The following NUSAP1 variants were observed in gnomAD, a reference collection of about 807,000 sequenced individuals.
NUSAP1 encodes nucleolar and spindle-associated protein 1.
In NUSAP1, 32 loss-of-function variants were observed where a neutral mutation model predicts 52.8. The observed-to-expected ratio is 0.61, with a 90% CI of 0.46 to 0.81. The LOEUF (loss-of-function observed/expected upper bound fraction) is 0.81, where lower values mean the gene tolerates loss of function less well. NUSAP1 is among the 40% of genes least tolerant of loss of function. The probability of loss-of-function intolerance (pLI) is 0.00; values close to 1 mark genes in which losing one functional copy is unlikely to be tolerated. For missense variants in NUSAP1, 499 were observed against 522.3 expected, an observed-to-expected ratio of 0.96 and a Z score of 0.43; for synonymous variants, 195 against 183.1, an observed-to-expected ratio of 1.06 and a Z score of -0.52.
intron 6 of NUSAP1, 89 bp from the exon 7 acceptor site, chr15:41,365,313 C>A (rs935942024): frequency 3.6e-6 from 4 of 1,101,570 alleles, no homozygotes; most frequent in Admixed American, 5.3e-5. Flanking sequence ...CATGCCACAA[C>A]GCCCGGCTAA....
At chr15:41,351,238 G>A in intron 4 of NUSAP1, 109 bp downstream of exon 4, 1 of 1,129,040 alleles carries the variant, frequency 8.9e-7, no homozygotes, top group Middle Eastern at 2.0e-4. Flanking sequence ...CCACAACTGG[G>A]CAGCTTAGAA....
rs375535674 is a variant in NUSAP1 at position 41,357,595 on chromosome 15, C to T, written c.551-554C>T. ...AGTAGCTGGGATTACAGGCGTGCGC[C>T]ACCACACCTGGCTAATTTTTGTATT... is the stretch of plus-strand genomic sequence containing the variant. On this transcript the variant is annotated intron_variant, in intron 5 of 10. Coordinates refer to ENST00000559596, the MANE Select transcript of NUSAP1 (RefSeq NM_016359.5). Among the ~76,000 whole-genome samples the T allele has an allele frequency of 9.9e-5, 15 of 151,932 alleles. No individual in the cohort carries two copies. The South Asian group carries it at 1.7e-3, about 17-fold the overall frequency.
intron 10 of NUSAP1, among the ~76,000 whole-genome samples, chr15:41,378,947 T>TTG (rs1566813582): frequency 5.2e-5 from 5 of 95,528 alleles, no homozygotes; most frequent in African/African-American, 2.2e-4. Context: ...TATCTTGGTT[T>TTG]TTTTTTTTTT....
intron 5 of NUSAP1, 28 bp from the exon 6 acceptor site, chr15:41,358,121 T>C (rs753183459): frequency 9.8e-7 from 1 of 1,019,856 alleles, no homozygotes; most frequent in Non-Finnish European, 1.5e-6. Flanking sequence ...TTTGTTTTGT[T>C]ATTAATTTTT....
At chr15:41,350,678 T>C (rs978330646) in intron 3 of NUSAP1, among the ~76,000 whole-genome samples, 3 of 152,170 alleles carry the variant, frequency 2.0e-5, no homozygotes, top group African/African-American at 4.8e-5. Context: ...GCAGTACTTA[T>C]TATTATTTAA....
At chr15:41,339,804 A>G (rs951830885) in intron 1 of NUSAP1, among the ~76,000 whole-genome samples, 2 of 150,726 alleles carry the variant, frequency 1.3e-5, no homozygotes, top group African/African-American at 4.9e-5. Flanking sequence ...TTTTTGAGAC[A>G]GACTTTCGCT....
At chr15:41,356,769 C>G (rs2015781) in intron 5 of NUSAP1, among the ~76,000 whole-genome samples, 57,091 of 151,966 alleles carry the variant, frequency 0.38, 11,687 homozygotes, top group African/African-American at 0.55. Context: ...ACTGATGAAT[C>G]AATGTATGAA....
intron 4 of NUSAP1, among the ~76,000 whole-genome samples, chr15:41,352,744 A>G (rs1432718587): frequency 6.6e-6 from 1 of 152,022 alleles, no homozygotes; most frequent in East Asian, 1.9e-4. Context: ...TTTAGTAGAG[A>G]CAGGGTTTCA....
chr15:41,352,282 A>G (rs1595555798), intron 4 of NUSAP1, among the ~76,000 whole-genome samples: 1 of 152,002 alleles, frequency 6.6e-6, no homozygotes, highest in East Asian at 1.9e-4. Flanking sequence ...TCTGCTCTTA[A>G]AAAATAAAAA....
intron 1 of NUSAP1, among the ~76,000 whole-genome samples, chr15:41,333,355 C>G (rs2047993334): frequency 6.6e-6 from 1 of 152,024 alleles, no homozygotes; most frequent in South Asian, 2.1e-4. Context: ...CTCAGGGCGT[C>G]GATTACGAAA....
intron 7 of NUSAP1, among the ~76,000 whole-genome samples, chr15:41,369,232 T>G (rs553823923): frequency 1.3e-5 from 2 of 152,278 alleles, no homozygotes; most frequent in Admixed American, 6.5e-5. Flanking sequence ...TAATCAGATT[T>G]TTTTTTTCCT....
chr15:41,365,368 G>C lies in NUSAP1; in HGVS notation c.661-34G>C, dbSNP rs747594963. 20 of 1,555,998 alleles carry C rather than the reference G, an allele frequency of 1.3e-5. No homozygotes were observed. The East Asian group carries it at 4.2e-4, about 32-fold the overall frequency. ...GATGGGGTTTCACCATGTTGGAGAG[G>C]CCAAGCTTTTAAAATGATGCATTTT... On this transcript the variant is annotated intron_variant, in intron 6 of 10. Coordinates refer to ENST00000559596, the MANE Select transcript of NUSAP1 (RefSeq NM_016359.5).
intron 1 of NUSAP1, among the ~76,000 whole-genome samples, chr15:41,337,015 T>C (rs1212231084): frequency 7.2e-6 from 1 of 138,254 alleles, no homozygotes; most frequent in East Asian, 2.0e-4. Context: ...TTTTTTTTTT[T>C]TTTTTTTTTG....
At chr15:41,378,767 T>C (rs1402552746) in intron 10 of NUSAP1, among the ~76,000 whole-genome samples, 1 of 151,098 alleles carries the variant, frequency 6.6e-6, no homozygotes, top group East Asian at 1.9e-4. Context: ...CAAAACTCCG[T>C]CTCAAAAAAG....
chr15:41,375,287 C>T (rs908667713), intron 8 of NUSAP1, among the ~76,000 whole-genome samples: 3 of 151,764 alleles, frequency 2.0e-5, no homozygotes, highest in East Asian at 1.9e-4. Flanking sequence ...AAGCAATTCT[C>T]CTGCCTCAGC....
intron 2 of NUSAP1, 99 bp downstream of exon 2, chr15:41,342,553 G>GT (rs2048402223): frequency 1.1e-6 from 1 of 926,390 alleles, no homozygotes; most frequent in African/African-American, 1.7e-5. Flanking sequence ...AAGACATGCT[G>GT]TTGGCCAGGT....
At chr15:41,342,361 T>C (rs1175530655) in intron 1 of NUSAP1, 25 bp from the exon 2 acceptor site, 20 of 1,499,920 alleles carry the variant, frequency 1.3e-5, no homozygotes, top group Non-Finnish European at 1.8e-5. Context: ...GACTTTTGGC[T>C]CTAATAATAA....
At chr15:41,378,584 G>GTCTTC (rs2140885247) in intron 10 of NUSAP1, among the ~76,000 whole-genome samples, 1 of 152,188 alleles carries the variant, frequency 6.6e-6, no homozygotes, top group African/African-American at 2.4e-5. Flanking sequence ...AGGAGTTGAA[G>GTCTTC]ACATGGAGAA....
chr15:41,335,754 T>G (rs566267423), intron 1 of NUSAP1, among the ~76,000 whole-genome samples: 33 of 144,466 alleles, frequency 2.3e-4, no homozygotes, highest in African/African-American at 7.8e-4. Context: ...ATACTAAATA[T>G]GCTATATTTA....
Sources: allele counts gnomAD v4.1 joint callset (sites outside exome capture counted in the v4.1 genomes callset), GRCh38; gene constraint gnomAD v4.1.1; transcripts MANE v1.5; gene names NCBI Gene and HGNC (gene_info 2026-07-23, HGNC 2026-07-21).